The following RINT1 variants were observed in gnomAD, a reference collection of about 807,000 sequenced individuals.
RINT1 encodes the protein RAD50-interacting protein 1.
A neutral mutation model predicts 97.7 loss-of-function variants in RINT1; 75 were observed. That is an observed-to-expected ratio of 0.77 (90% confidence interval 0.64 to 0.93). RINT1 has a LOEUF of 0.93. RINT1 is among the 40% of genes least tolerant of loss of function. RINT1 has a pLI of 0.00. For synonymous variants in RINT1, 303 were observed against 326.3 expected, an observed-to-expected ratio of 0.93 and a Z score of 0.77; for missense variants, 892 against 925.2, an observed-to-expected ratio of 0.96 and a Z score of 0.47.
Position 105,563,897 on chromosome 7 carries a change from C to A in RINT1, c.1836C>A (p.Asp612Glu). Residue 612 changes from aspartate (D) to glutamate (E), a missense_variant, in exon 12 of 15, where the codon GAC (aspartate) becomes GAA (glutamate). Physicochemically the swap from Asp to Glu is conservative, Grantham distance 45. Transcript: ENST00000257700. ...LKHDMLTRQVDHVFREVKDAA... is the reference protein window; with the variant it reads ...LKHDMLTRQVEHVFREVKDAA... ...ATGATATGTTGACCCGTCAAGTAGA[C>A]CACGTTTTTAGAGAAGTTAAAGATG... 1 of 1,614,004 alleles carries A rather than the reference C, an allele frequency of 6.2e-7. No individual in the cohort carries two copies. The highest frequency in any genetic ancestry group is 8.5e-7 in the Non-Finnish European group (1 of 1,179,992).
At chr7:105,543,194 T>A (rs560767202) in intron 4 of RINT1, among the ~76,000 whole-genome samples, 1 of 152,206 alleles carries the variant, frequency 6.6e-6, no homozygotes, top group South Asian at 2.1e-4. Flanking sequence ...CCGGCCAAAC[T>A]TTTAAGTCTT....
chr7:105,553,751 C>T (rs1475462500), intron 10 of RINT1, among the ~76,000 whole-genome samples: 9 of 149,198 alleles, frequency 6.0e-5, no homozygotes, highest in Admixed American at 4.0e-4. Flanking sequence ...GACAGAGTCT[C>T]GCTCTGTCGC....
chr7:105,559,306 C>T (rs550244249), intron 11 of RINT1, among the ~76,000 whole-genome samples: 5 of 151,848 alleles, frequency 3.3e-5, no homozygotes, highest in African/African-American at 7.2e-5. Context: ...TTTTGGAGGC[C>T]GAGGCAGGCG....
At chr7:105,554,974 C>G in intron 10 of RINT1, 54 bp from the exon 11 acceptor site, 2 of 1,413,056 alleles carry the variant, frequency 1.4e-6, no homozygotes, top group Non-Finnish European at 2.0e-6. Flanking sequence ...AAACTTATAA[C>G]TATATCATAG....
intron 9 of RINT1, 22 bp downstream of exon 9, chr7:105,550,508 T>A: frequency 6.5e-7 from 1 of 1,527,762 alleles, no homozygotes; most frequent in Non-Finnish European, 9.1e-7. Context: ...TGTGGCCAGA[T>A]GGTAGGGAGA....
chr7:105,541,344 C>A (rs1340645799), intron 3 of RINT1, among the ~76,000 whole-genome samples: 2 of 151,380 alleles, frequency 1.3e-5, no homozygotes, highest in East Asian at 4.0e-4. Flanking sequence ...ATCATGTTGG[C>A]CAGGCTGGTC....
At position 105,546,940 on chromosome 7, in the gene RINT1, T is replaced by G. The variant is rs1418976203; in HGVS notation, c.546T>G (p.Asn182Lys). 2 of 1,610,286 alleles carry G rather than the reference T, an allele frequency of 1.2e-6. No homozygotes were observed. The highest frequency in any genetic ancestry group is 3.4e-5 in the Admixed American group (2 of 58,788). ...SDNIQQYLMT[N>K]NVPEAASTLV... ...ACATTCAGCAATATCTGATGACCAATAATGTACCGGAGGCAGCCTCCACTC... is the reference window on the plus strand; with the variant it reads ...ACATTCAGCAATATCTGATGACCAAGAATGTACCGGAGGCAGCCTCCACTC... The change falls in exon 5 of 15, where the codon AAT (asparagine) becomes AAG (lysine). Residue 182 changes from asparagine (N) to lysine (K), a missense_variant. Transcript: ENST00000257700.
At chr7:105,535,237 TTTTTTTTTTTGAGGCAGAGTCTC>T (rs1790179954) in intron 2 of RINT1, among the ~76,000 whole-genome samples, 1 of 150,778 alleles carries the variant, frequency 6.6e-6, no homozygotes, top group African/African-American at 2.4e-5. Context: ...ACCTTTTTTT[TTTTTTTTTTTGAGGCAGAGTCTC>T]ACTCTGTTGC....
At chr7:105,553,972 C>A (rs944020863) in intron 10 of RINT1, among the ~76,000 whole-genome samples, 3 of 142,772 alleles carry the variant, frequency 2.1e-5, no homozygotes, top group Admixed American at 1.5e-4. Flanking sequence ...CATCTCAGCT[C>A]ACCGCAAGCT....
rs781080311 is a variant in RINT1, at chr7:105,548,536, T to G, written c.840-18T>G. ...TAGGTATGCTTTTGATTCTTTTTCC[T>G]TGACTTGATTATGTCAGAGATGAAT... On this transcript the variant is annotated intron_variant, in intron 6 of 14. Coordinates refer to ENST00000257700, the MANE Select transcript of RINT1 (RefSeq NM_021930.6). 6.2e-7 allele frequency: 1 copy of G among 1,613,736 alleles called. No individual in the cohort carries two copies. The highest frequency in any genetic ancestry group is 1.1e-5 in the South Asian group (1 of 91,084).
At chr7:105,558,502 A>T (rs1165891430) in intron 11 of RINT1, among the ~76,000 whole-genome samples, 1 of 152,158 alleles carries the variant, frequency 6.6e-6, no homozygotes, top group Non-Finnish European at 1.5e-5. Context: ...GTAGAACATC[A>T]TCAACTGCTT....
At chr7:105,559,437 A>C (rs909205923) in intron 11 of RINT1, among the ~76,000 whole-genome samples, 2 of 146,298 alleles carry the variant, frequency 1.4e-5, no homozygotes, top group Non-Finnish European at 3.0e-5. Context: ...GCTACTCAGG[A>C]GGCTGAGACA....
rs776404650 is a variant in RINT1, at chr7:105,547,181, C to T, written c.690-3C>T. The T allele has an allele frequency of 6.2e-7, 1 of 1,614,076 alleles. No homozygotes were observed. The highest frequency in any genetic ancestry group is 8.5e-7 in the Non-Finnish European group (1 of 1,179,984). Reference sequence around the variant, plus strand: ...AAATGTATGTGTTACTTTTCCATTGCAGTGATTTTGAGGAAATTTTAGCAC... The same window carrying T: ...AAATGTATGTGTTACTTTTCCATTGTAGTGATTTTGAGGAAATTTTAGCAC... On this transcript the variant is annotated splice_polypyrimidine_tract_variant and splice_region_variant and intron_variant, in intron 5 of 14. Transcript: ENST00000257700.
intron 1 of RINT1, 138 bp from the exon 2 acceptor site, chr7:105,532,686 G>A (rs1790081512): frequency 1.1e-6 from 1 of 905,430 alleles, no homozygotes; most frequent in Non-Finnish European, 1.8e-6. Flanking sequence ...TACCTGATTC[G>A]GACGGCCCTG....
At chr7:105,566,886 C>T (rs200503020) in intron 14 of RINT1, 14 of 297,104 alleles carry the variant, frequency 4.7e-5, no homozygotes, top group South Asian at 3.2e-4. Flanking sequence ...AGGGAAATAA[C>T]GGATACATAT....
intron 11 of RINT1, among the ~76,000 whole-genome samples, chr7:105,561,113 A>C (rs1206033207): frequency 6.9e-6 from 1 of 145,186 alleles, no homozygotes; most frequent in African/African-American, 2.6e-5. Context: ...AAAAAAAAAA[A>C]AACCTTGGCA....
intron 11 of RINT1, among the ~76,000 whole-genome samples, chr7:105,562,709 CA>C (rs1791491410): frequency 1.3e-5 from 2 of 151,780 alleles, no homozygotes; most frequent in Non-Finnish European, 1.5e-5. Flanking sequence ...CCAGTCTGAC[CA>C]ACATGGTGAA....
intron 11 of RINT1, among the ~76,000 whole-genome samples, chr7:105,561,339 C>G (rs1051046390): frequency 6.6e-6 from 1 of 151,762 alleles, no homozygotes; most frequent in Non-Finnish European, 1.5e-5. Flanking sequence ...ATCAGCCTGG[C>G]CAACATGGTG....
chr7:105,546,214 A>G (rs1483365795), intron 4 of RINT1, among the ~76,000 whole-genome samples: 1 of 152,236 alleles, frequency 6.6e-6, no homozygotes, highest in African/African-American at 2.4e-5. Flanking sequence ...TGACTTTACC[A>G]GATACTACCA....
Sources: allele counts gnomAD v4.1 joint callset (sites outside exome capture counted in the v4.1 genomes callset), GRCh38; gene constraint gnomAD v4.1.1; transcripts MANE v1.5; gene names NCBI Gene and HGNC (gene_info 2026-07-23, HGNC 2026-07-21).